The following SEMA7A variants were observed in gnomAD, a reference collection of about 807,000 sequenced individuals.
SEMA7A encodes the protein semaphorin-7A.
In SEMA7A, 21 loss-of-function variants were observed where a neutral mutation model predicts 67.5. The ratio of observed to expected loss-of-function variants is 0.31; its 90% CI spans 0.22 to 0.45. The LOEUF (loss-of-function observed/expected upper bound fraction) is 0.45, where lower values mean the gene tolerates loss of function less well. Ranked by LOEUF, SEMA7A falls within the 20% of genes least tolerant of loss-of-function variation. The pLI, the probability that SEMA7A is intolerant of heterozygous loss-of-function variation, is 1.00. For synonymous variants in SEMA7A, 364 were observed against 368.5 expected, an observed-to-expected ratio of 0.99 and a Z score of 0.14; for missense variants, 774 against 908.6, an observed-to-expected ratio of 0.85 and a Z score of 1.90.
At position 74,411,802 on chromosome 15, in the gene SEMA7A, A is replaced by G. The variant is rs1017672517; in HGVS notation, c.1422+83T>C. On this transcript the variant is annotated intron_variant, in intron 11 of 13. Coordinates refer to ENST00000261918, the MANE Select transcript of SEMA7A (RefSeq NM_003612.5). The surrounding 1 kb of genome is among the most constrained non-coding windows in gnomAD (Gnocchi z 4.4). Reference sequence around the variant, plus strand: ...CCTAAGGCCTAGAAGCTCTTAAAAGAACACACAAATCACATGCAAAGGAGC... The same window carrying G: ...CCTAAGGCCTAGAAGCTCTTAAAAGGACACACAAATCACATGCAAAGGAGC... The G allele has an allele frequency of 1.9e-6, 3 of 1,603,208 alleles. No homozygotes were observed. Among genetic ancestry groups the G allele is most frequent in the African/African-American group, 2.7e-5 (2 of 74,688 alleles).
rs55966260 is a variant in SEMA7A at position 74,411,388 on chromosome 15, G to A, written c.1578-32C>T. On this transcript the variant is annotated intron_variant, in intron 12 of 13. Transcript: ENST00000261918. This position sits in a 1 kb window ranked among gnomAD's most constrained non-coding sequence, Gnocchi z 4.4. ...TGGGAAGGACGAAAGAGGATCAGCA[G>A]ATACAAGGCTGCAGACCTGACCCTC... 3.0e-5 allele frequency: 48 copies of A among 1,610,726 alleles called. No individual in the cohort carries two copies. Among genetic ancestry groups the A allele is most frequent in the Non-Finnish European group, 4.1e-5 (48 of 1,178,042 alleles).
At chr15:74,433,682 C>T (rs1005499024) in intron 1 of SEMA7A, 59 bp downstream of exon 1, 2 of 1,369,322 alleles carry the variant, frequency 1.5e-6, no homozygotes, top group Middle Eastern at 2.7e-4. Flanking sequence ...CAGCACACTC[C>T]GCACCCGCCC....
At chr15:74,429,657 C>T (rs189582578) in intron 1 of SEMA7A, among the ~76,000 whole-genome samples, 2 of 152,332 alleles carry the variant, frequency 1.3e-5, no homozygotes, top group Non-Finnish European at 2.9e-5. Flanking sequence ...CCAGTGGGTG[C>T]GTCCTTCCTC....
chr15:74,432,529 G>A (rs750026538), intron 1 of SEMA7A, among the ~76,000 whole-genome samples: 2 of 152,186 alleles, frequency 1.3e-5, no homozygotes, highest in African/African-American at 2.4e-5. Flanking sequence ...CTCCCACACT[G>A]CTCAGTGACC....
intron 10 of SEMA7A, among the ~76,000 whole-genome samples, chr15:74,412,882 T>C (rs1251828399): frequency 6.6e-6 from 1 of 152,100 alleles, no homozygotes; most frequent in Non-Finnish European, 1.5e-5. Context: ...AAATCAAGAG[T>C]TCCCAAGGTC....
rs1293001313 is a variant in SEMA7A at position 74,409,632 on chromosome 15, C to T, written c.*992G>A. On this transcript the variant is annotated 3_prime_UTR_variant, in exon 14 of 14. Coordinates refer to ENST00000261918, the MANE Select transcript of SEMA7A (RefSeq NM_003612.5). ...AGGCCCCCCGCCCCCCAACCCTCAACGCCAAGGGCAGAGTCCTGGAACCTC... is the reference window on the plus strand; with the variant it reads ...AGGCCCCCCGCCCCCCAACCCTCAATGCCAAGGGCAGAGTCCTGGAACCTC... 6.7e-5 allele frequency: 10 copies of T among 149,252 alleles called. No individual in the cohort carries two copies. Among genetic ancestry groups the T allele is most frequent in the African/African-American group, 2.5e-4 (10 of 40,254 alleles). The allele number at this position is 149,252 out of a possible 1,614,324, so 9.2% of individuals were successfully genotyped here.
At chr15:74,417,226 G>A in intron 6 of SEMA7A, 109 bp downstream of exon 6, 1 of 836,726 alleles carries the variant, frequency 1.2e-6, no homozygotes, top group Non-Finnish European at 2.0e-6. Context: ...TTTCCTGCAT[G>A]GCCCCAGCGG....
Position 74,418,399 on chromosome 15 carries a change from G to A in SEMA7A, c.331-90C>T. The stretch of plus-strand genomic sequence containing the variant: ...ACACAGCCTCAGGATAAGCCCCAAA[G>A]GAAGCAACCATTATTCTCATCTGAC... On this transcript the variant is annotated intron_variant, in intron 2 of 13. Coordinates refer to ENST00000261918, the MANE Select transcript of SEMA7A (RefSeq NM_003612.5). 2.3e-6 allele frequency: 3 copies of A among 1,277,232 alleles called. No homozygotes were observed. The South Asian group carries it at 3.8e-5, about 16-fold the overall frequency. 79.1% of individuals were successfully genotyped at this position (1,277,232 alleles called of 1,614,324 possible).
Position 74,418,882 on chromosome 15 carries a change from G to A in SEMA7A, c.249C>T (p.Gly83=), listed in dbSNP as rs192930996. The stretch of plus-strand genomic sequence containing the variant: ...GTCCTCCCACCCACACAGAGGAGCT[G>A]CCTGGCTCGTGGAAAAGCACCGTGT... ...EPHTVLFHEP[G]SSSVWVGGRG... Residue 83 remains glycine, a synonymous_variant, in exon 2 of 14, where the codon GGC becomes GGT. Transcript: ENST00000261918. 1.2e-6 allele frequency: 2 copies of A among 1,613,890 alleles called. No individual in the cohort carries two copies. Among genetic ancestry groups the A allele is most frequent in the East Asian group, 4.5e-5 (2 of 44,886 alleles).
At chr15:74,424,978 C>T (rs2061031588) in intron 1 of SEMA7A, among the ~76,000 whole-genome samples, 1 of 152,226 alleles carries the variant, frequency 6.6e-6, no homozygotes, top group African/African-American at 2.4e-5. Flanking sequence ...AGAATGGCTA[C>T]ACAACCCCAA....
At chr15:74,412,203 G>C (rs2060908130) in intron 10 of SEMA7A, among the ~76,000 whole-genome samples, 191 bp from the exon 11 acceptor site, 1 of 152,220 alleles carries the variant, frequency 6.6e-6, no homozygotes, top group Admixed American at 6.5e-5. Context: ...TTCCAAGGCT[G>C]ATCCAGAGAG....
At chr15:74,417,495 G>T (rs1232698550) in intron 5 of SEMA7A, 50 bp from the exon 6 acceptor site, 3 of 1,589,326 alleles carry the variant, frequency 1.9e-6, no homozygotes, top group East Asian at 2.2e-5. Flanking sequence ...GCTCCTGGAA[G>T]TCCCTCCTCC....
chr15:74,429,126 T>C (rs1363023596), intron 1 of SEMA7A, among the ~76,000 whole-genome samples: 1 of 152,166 alleles, frequency 6.6e-6, no homozygotes, highest in Non-Finnish European at 1.5e-5. Context: ...GCAGCCACGC[T>C]GGGCCAAAAA....
intron 1 of SEMA7A, among the ~76,000 whole-genome samples, chr15:74,429,585 T>C (rs1158559132): frequency 6.6e-6 from 1 of 152,232 alleles, no homozygotes; most frequent in Non-Finnish European, 1.5e-5. Flanking sequence ...ACCAGGGAAC[T>C]GTGACGGGGC....
intron 1 of SEMA7A, among the ~76,000 whole-genome samples, chr15:74,426,509 C>G (rs1387781186): frequency 6.6e-6 from 1 of 152,146 alleles, no homozygotes; most frequent in Non-Finnish European, 1.5e-5. Flanking sequence ...CTTAAAGATC[C>G]TAAGTTACAA....
rs2060890292 is a variant in SEMA7A, at chr15:74,410,602, G to A, written c.*22C>T. The A allele has an allele frequency of 9.6e-6, 15 of 1,560,332 alleles. No homozygotes were observed. The highest frequency in any genetic ancestry group is 1.3e-5 in the Non-Finnish European group (15 of 1,150,230). Reference sequence around the variant, plus strand: ...GTGCCCTGGGCTGCAGAAGCCTGAGGCATGCCCAGCCTCGGGAGGCCCTAG... The same window carrying A: ...GTGCCCTGGGCTGCAGAAGCCTGAGACATGCCCAGCCTCGGGAGGCCCTAG... On this transcript the variant is annotated 3_prime_UTR_variant, in exon 14 of 14. Coordinates refer to ENST00000261918, the MANE Select transcript of SEMA7A (RefSeq NM_003612.5). The surrounding 1 kb of genome is among the most constrained non-coding windows in gnomAD (Gnocchi z 7.5).
rs1239642047 is a variant in SEMA7A, at chr15:74,411,671, C to G, written c.1462G>C (p.Val488Leu). ...YVSSQWEVSQ[V>L]PLDLCEVYGG... is the part of the protein sequence containing the mutation. ...TAGACCTCACACAGGTCCAGGGGCACCTGGCTCACCTCCCACTGGGAGCTC... is the reference window on the plus strand; with the variant it reads ...TAGACCTCACACAGGTCCAGGGGCAGCTGGCTCACCTCCCACTGGGAGCTC... The change falls in exon 12 of 14, where the codon GTG (valine) becomes CTG (leucine). Residue 488 changes from valine (V) to leucine (L), a missense_variant. Val to Leu is a conservative substitution (Grantham distance 32). Around this residue, in one of 2 missense-constraint regions of SEMA7A, gnomAD observed 427 missense variants for 555.4 expected, o/e 0.77. Transcript: ENST00000261918. This position sits in a 1 kb window ranked among gnomAD's most constrained non-coding sequence, Gnocchi z 4.4. 7 of 1,613,562 alleles carry G rather than the reference C, an allele frequency of 4.3e-6. No individual in the cohort carries two copies. The highest frequency in any genetic ancestry group is 4.2e-6 in the Non-Finnish European group (5 of 1,180,010).
chr15:74,413,003 G>T (rs1450301582), intron 10 of SEMA7A, among the ~76,000 whole-genome samples: 1 of 151,900 alleles, frequency 6.6e-6, no homozygotes, highest in East Asian at 1.9e-4. Flanking sequence ...TGCTCTCCCA[G>T]TTTCTAGAAT....
At position 74,414,629 on chromosome 15, in the gene SEMA7A, A is replaced by C; in HGVS notation, c.1212T>G (p.Ser404=). 1 of 1,614,216 alleles carries C rather than the reference A, an allele frequency of 6.2e-7. No homozygotes were observed. The highest frequency in any genetic ancestry group is 2.2e-5 in the East Asian group (1 of 44,888). ...CGGCCACTTTCTGGTAGTGGTATTT[A>C]GAGTGGAACAATGGCGTCTTCAGAG... ...MGPLKTPLFH[S]KYHYQKVAVH... The change falls in exon 10 of 14, where the codon TCT becomes TCG. Residue 404 remains serine, a synonymous_variant. Coordinates refer to ENST00000261918, the MANE Select transcript of SEMA7A (RefSeq NM_003612.5). This position sits in a 1 kb window ranked among gnomAD's most constrained non-coding sequence, Gnocchi z 4.1.
Sources: allele counts gnomAD v4.1 joint callset (sites outside exome capture counted in the v4.1 genomes callset), GRCh38; gene constraint gnomAD v4.1.1; regional missense constraint gnomAD v4.1.1; non-coding constraint Gnocchi (gnomAD v3.1); transcripts MANE v1.5; gene names NCBI Gene and HGNC (gene_info 2026-07-23, HGNC 2026-07-21).